LPP: variants seen among roughly 807,000 people sequenced by gnomAD.
LPP encodes LIM domain containing preferred translocation partner in lipoma.
A neutral mutation model predicts 60.4 loss-of-function variants in LPP; 38 were observed. The ratio of observed to expected loss-of-function variants is 0.63; its 90% confidence interval spans 0.49 to 0.83. The LOEUF is 0.83. Ranked by LOEUF, LPP falls within the 40% of genes least tolerant of loss-of-function variation. The probability of loss-of-function intolerance (pLI) is 0.00; values close to 1 mark genes in which losing one functional copy is unlikely to be tolerated. For synonymous variants in LPP, 328 were observed against 290.8 expected, an observed-to-expected ratio of 1.13 and a Z score of -1.30; for missense variants, 902 against 783.6, an observed-to-expected ratio of 1.15 and a Z score of -1.80.
chr3:188,186,233 G>T (rs565112434), intron 1 of LPP, among the ~76,000 whole-genome samples: 2 of 152,196 alleles, frequency 1.3e-5, no homozygotes, highest in Admixed American at 6.5e-5. Flanking sequence ...CACAGCCTGA[G>T]ATGTCTGTTG....
intron 4 of LPP, among the ~76,000 whole-genome samples, chr3:188,420,443 T>C (rs1787492234): frequency 6.6e-6 from 1 of 152,232 alleles, no homozygotes. Flanking sequence ...AAGAAATTAA[T>C]TTTCCAAAAT....
chr3:188,201,468 C>T lies in LPP; in HGVS notation c.-189-23937C>T, dbSNP rs150187108. On this transcript the variant is annotated intron_variant, in intron 1 of 11. Coordinates refer to ENST00000617246, the MANE Select transcript of LPP (RefSeq NM_001375462.1). ...ATGCCTGTAATCCCAGCACTCTGGG[C>T]GGCTAAGGCGGGCGGATCACTTGAG... Among the ~76,000 whole-genome samples the T allele has an allele frequency of 5.1e-3, 768 of 152,048 alleles. 9 individuals carry two copies. Among genetic ancestry groups the T allele is most frequent in the African/African-American group, 0.018 (732 of 41,484 alleles).
intron 3 of LPP, among the ~76,000 whole-genome samples, chr3:188,343,556 A>G (rs560909004): frequency 2.2e-4 from 33 of 152,308 alleles, no homozygotes; most frequent in African/African-American, 7.7e-4. Flanking sequence ...TCCGATGCCA[A>G]TTGTTAAATA....
chr3:188,511,330 C>G (rs186513658), intron 5 of LPP, among the ~76,000 whole-genome samples: 4 of 144,338 alleles, frequency 2.8e-5, no homozygotes, highest in Admixed American at 1.4e-4. Flanking sequence ...CTCTCCCTCC[C>G]TCCCTCCCTT....
At chr3:188,586,133 GA>G (rs530437185) in intron 6 of LPP, among the ~76,000 whole-genome samples, 14 of 152,090 alleles carry the variant, frequency 9.2e-5, no homozygotes, top group East Asian at 7.7e-4. Flanking sequence ...TAAATCAGAG[GA>G]AAAAAATATT....
intron 6 of LPP, among the ~76,000 whole-genome samples, chr3:188,545,315 A>G (rs193287897): frequency 0.015 from 2,259 of 152,030 alleles, 32 homozygotes; most frequent in Non-Finnish European, 0.024. Flanking sequence ...AAGCCTTTAG[A>G]AAAAAAAGTA....
intron 8 of LPP, among the ~76,000 whole-genome samples, chr3:188,754,142 A>G (rs1577355357): frequency 1.3e-5 from 2 of 152,300 alleles, no homozygotes; most frequent in South Asian, 2.1e-4. Flanking sequence ...ATATTGTCTA[A>G]GGCTACAGAA....
chr3:188,205,748 A>G (rs963595940), intron 1 of LPP, among the ~76,000 whole-genome samples: 1 of 152,206 alleles, frequency 6.6e-6, no homozygotes, highest in African/African-American at 2.4e-5. Context: ...GGAAGGTACT[A>G]TGAAGAGCTC....
At position 188,307,012 on chromosome 3, in the gene LPP, T is replaced by G. The variant is rs112865934; in HGVS notation, c.-66-34651T>G. On this transcript the variant is annotated intron_variant, in intron 2 of 11. Coordinates refer to ENST00000617246, the MANE Select transcript of LPP (RefSeq NM_001375462.1). ...GGCCTGCAGCCCTCAATTTGCATCT[T>G]CTGTGCATATTTTTAACTGGTAGAG... 8.3e-4 allele frequency among the ~76,000 whole-genome samples: 127 copies of G among 152,350 alleles called. 1 individual carries two copies. The highest frequency in any genetic ancestry group is 3.4e-3 in the Middle Eastern group (1 of 294).
intron 2 of LPP, among the ~76,000 whole-genome samples, chr3:188,341,251 A>G (rs1762974308): frequency 6.6e-6 from 1 of 152,226 alleles, no homozygotes; most frequent in South Asian, 2.1e-4. Flanking sequence ...GAAAGGAAGG[A>G]TTACTGGACT....
At chr3:188,624,066 C>G (rs913279358) in intron 7 of LPP, among the ~76,000 whole-genome samples, 1 of 152,176 alleles carries the variant, frequency 6.6e-6, no homozygotes, top group Non-Finnish European at 1.5e-5. Flanking sequence ...AGATGCAAGA[C>G]AAGCTAAAGA....
chr3:188,746,214 G>T (rs1726144892), intron 8 of LPP, among the ~76,000 whole-genome samples: 1 of 152,052 alleles, frequency 6.6e-6, no homozygotes, highest in Non-Finnish European at 1.5e-5. Context: ...TACATATATG[G>T]TTTCTTTAAT....
intron 3 of LPP, among the ~76,000 whole-genome samples, chr3:188,366,968 C>T (rs1477513958): frequency 1.3e-5 from 2 of 152,024 alleles, no homozygotes; most frequent in South Asian, 2.1e-4. Context: ...GCGATCTCGC[C>T]TCACTGCAAG....
chr3:188,318,859 C>G (rs1417350189), intron 2 of LPP, among the ~76,000 whole-genome samples: 1 of 147,364 alleles, frequency 6.8e-6, no homozygotes, highest in African/African-American at 2.5e-5. Context: ...CCCGGGTTCA[C>G]GCCATTCTCC....
At chr3:188,483,559 C>A (rs1189800697) in intron 4 of LPP, among the ~76,000 whole-genome samples, 2 of 152,156 alleles carry the variant, frequency 1.3e-5, no homozygotes, top group African/African-American at 2.4e-5. Context: ...GTTTCTGTTT[C>A]CCCAATACAG....
chr3:188,166,157 AT>A lies in LPP; in HGVS notation c.-190+11916del, dbSNP rs576813000. ...AGGTCTTTAAGACCTATCAACCCTGATTTTTTTTTTTCTTCTTTCTTCTTCT... is the reference window on the plus strand; with the variant it reads ...AGGTCTTTAAGACCTATCAACCCTGATTTTTTTTTTCTTCTTTCTTCTTCT... On this transcript the variant is annotated intron_variant, in intron 1 of 11. Transcript: ENST00000617246. 2.5e-3 allele frequency among the ~76,000 whole-genome samples: 360 copies of A among 146,592 alleles called. 1 individual carries two copies. Among genetic ancestry groups the A allele is most frequent in the African/African-American group, 6.8e-3 (272 of 39,972 alleles).
chr3:188,751,564 C>G (rs1728076158), intron 8 of LPP, among the ~76,000 whole-genome samples: 1 of 152,104 alleles, frequency 6.6e-6, no homozygotes, highest in Admixed American at 6.5e-5. Context: ...TCCTGCCTGG[C>G]CAGATAATTT....
chr3:188,602,183 T>TATAATATATATATA (rs1458124083), intron 6 of LPP, among the ~76,000 whole-genome samples: 2 of 135,404 alleles, frequency 1.5e-5, no homozygotes, highest in African/African-American at 5.3e-5. Flanking sequence ...ATATTATATA[T>TATAATATATATATA]ATATATGACA....
intron 8 of LPP, among the ~76,000 whole-genome samples, chr3:188,747,674 T>G (rs1367415944): frequency 6.6e-6 from 1 of 152,160 alleles, no homozygotes; most frequent in African/African-American, 2.4e-5. Context: ...TACCTAAAAG[T>G]AATACACTAA....
Sources: allele counts gnomAD v4.1 joint callset (sites outside exome capture counted in the v4.1 genomes callset), GRCh38; gene constraint gnomAD v4.1.1; transcripts MANE v1.5; gene names NCBI Gene and HGNC (gene_info 2026-07-23, HGNC 2026-07-21).